TPTE: variants seen among roughly 807,000 people sequenced by gnomAD.
The protein encoded by TPTE is putative tyrosine-protein phosphatase TPTE.
A neutral mutation model predicts 84.1 loss-of-function variants in TPTE; 59 were observed. The ratio of observed to expected loss-of-function variants is 0.70; its 90% CI spans 0.57 to 0.87. The LOEUF (loss-of-function observed/expected upper bound fraction) is 0.87. TPTE is among the 40% of genes least tolerant of loss of function. The pLI is 0.00. For synonymous variants in TPTE, 130 were observed against 223.5 expected, an observed-to-expected ratio of 0.58 and a Z score of 3.73; for missense variants, 382 against 659.6, an observed-to-expected ratio of 0.58 and a Z score of 4.61.
chr21:10,529,773 T>TG (rs1171357341), intron 3 of TPTE, among the ~76,000 whole-genome samples: 1 of 152,306 alleles, frequency 6.6e-6, no homozygotes, highest in Non-Finnish European at 1.5e-5. Context: ...ATATCCATGT[T>TG]GGGGGGAGAT....
intron 21 of TPTE, among the ~76,000 whole-genome samples, chr21:10,599,646 C>T (rs530298891): frequency 6.6e-6 from 1 of 152,310 alleles, no homozygotes. Context: ...TATTTTTCAA[C>T]AACGTCACTC....
At chr21:10,537,388 TA>T (rs1382983961) in intron 3 of TPTE, among the ~76,000 whole-genome samples, 1 of 152,296 alleles carries the variant, frequency 6.6e-6, no homozygotes. Flanking sequence ...GAGACAGAAA[TA>T]ATATAGAGGC....
intron 17 of TPTE, among the ~76,000 whole-genome samples, chr21:10,583,033 C>T (rs2075298207): frequency 1.3e-5 from 2 of 152,310 alleles, no homozygotes; most frequent in South Asian, 2.1e-4. Context: ...GTGCCTAGCC[C>T]AATAATACTG....
intron 3 of TPTE, among the ~76,000 whole-genome samples, chr21:10,529,258 T>C (rs2074135508): frequency 6.6e-6 from 1 of 152,266 alleles, no homozygotes; most frequent in Admixed American, 6.5e-5. Flanking sequence ...TTACTAAGCA[T>C]GTGTGATATC....
chr21:10,536,768 A>C, intron 3 of TPTE, among the ~76,000 whole-genome samples: 1 of 152,312 alleles, frequency 6.6e-6, no homozygotes, highest in Non-Finnish European at 1.5e-5. Context: ...AACAGGGCAA[A>C]AAAGGGAAAC....
At chr21:10,579,192 T>C (rs1229140308) in intron 17 of TPTE, among the ~76,000 whole-genome samples, 1 of 152,308 alleles carries the variant, frequency 6.6e-6, no homozygotes, top group Non-Finnish European at 1.5e-5. Context: ...TTCCTGAACT[T>C]ATTCTTCCTG....
intron 3 of TPTE, among the ~76,000 whole-genome samples, chr21:10,536,612 C>T (rs879729837): frequency 2.0e-3 from 304 of 152,244 alleles, no homozygotes; most frequent in Non-Finnish European, 3.0e-3. Flanking sequence ...GAGAGAGAAT[C>T]GACAGAGAGA....
At chr21:10,570,380 T>C (rs1336143041) in intron 13 of TPTE, 105 bp from the exon 14 acceptor site, 49 of 1,576,612 alleles carry the variant, frequency 3.1e-5, no homozygotes, top group Middle Eastern at 1.7e-4. Flanking sequence ...TCTTAAAAGG[T>C]TTTTTTTCTG....
intron 14 of TPTE, 77 bp downstream of exon 14, chr21:10,570,626 GAT>G: frequency 6.2e-7 from 1 of 1,604,474 alleles, no homozygotes; most frequent in Admixed American, 1.7e-5. Flanking sequence ...TACTGACCCA[GAT>G]ATGGCAGTAT....
chr21:10,576,860 T>C (rs1283901019), intron 14 of TPTE, among the ~76,000 whole-genome samples: 1 of 131,702 alleles, frequency 7.6e-6, no homozygotes, highest in South Asian at 2.1e-4. Flanking sequence ...TATATATATA[T>C]ATATATATAT....
At chr21:10,588,974 T>C (rs1338391585) in intron 17 of TPTE, among the ~76,000 whole-genome samples, 5 of 152,304 alleles carry the variant, frequency 3.3e-5, no homozygotes, top group Non-Finnish European at 5.9e-5. Context: ...CAACCCAAGC[T>C]TTGAATTGTT....
chr21:10,548,204 C>T (rs2074505944), intron 7 of TPTE, among the ~76,000 whole-genome samples: 1 of 152,306 alleles, frequency 6.6e-6, no homozygotes, highest in African/African-American at 2.4e-5. Flanking sequence ...ACCCTGGGAG[C>T]TTACTCAGGC....
At chr21:10,546,245 A>G (rs1347747550) in intron 7 of TPTE, among the ~76,000 whole-genome samples, 2 of 152,426 alleles carry the variant, frequency 1.3e-5, no homozygotes, top group South Asian at 4.1e-4. Context: ...CTTTGATGTT[A>G]CTATTGTAAT....
At chr21:10,561,231 T>C in intron 10 of TPTE, 40 bp downstream of exon 10, 1 of 1,607,294 alleles carries the variant, frequency 6.2e-7, no homozygotes, top group Non-Finnish European at 8.5e-7. Flanking sequence ...AGCTACTTTG[T>C]AGTTTTATAA....
intron 13 of TPTE, 41 bp from the exon 14 acceptor site, chr21:10,570,444 T>C: frequency 6.2e-7 from 1 of 1,613,492 alleles, no homozygotes; most frequent in Non-Finnish European, 8.5e-7. Context: ...TTGTATGAAA[T>C]CTATAATAAT....
intron 21 of TPTE, among the ~76,000 whole-genome samples, chr21:10,601,663 C>A (rs150567): frequency 1.3e-5 from 2 of 151,614 alleles, no homozygotes; most frequent in South Asian, 4.1e-4. Context: ...GACCAGCCTG[C>A]CTAATATAGT....
At chr21:10,526,381 T>C (rs1482752138) in intron 2 of TPTE, among the ~76,000 whole-genome samples, 1 of 152,308 alleles carries the variant, frequency 6.6e-6, no homozygotes, top group African/African-American at 2.4e-5. Flanking sequence ...CCAAAATTAG[T>C]TTGTGTAGGG....
chr21:10,594,071 A>T (rs1398709685), intron 19 of TPTE, among the ~76,000 whole-genome samples: 3 of 152,310 alleles, frequency 2.0e-5, no homozygotes, highest in African/African-American at 7.2e-5. Flanking sequence ...AATCCATACT[A>T]TGTCCCCACT....
At chr21:10,550,918 T>G (rs212115) in intron 7 of TPTE, among the ~76,000 whole-genome samples, 32,013 of 145,246 alleles carry the variant, frequency 0.22, 66 homozygotes, top group African/African-American at 0.47. Context: ...CTTACCACAA[T>G]GGAATAAAAC....
Sources: allele counts gnomAD v4.1 joint callset (sites outside exome capture counted in the v4.1 genomes callset), GRCh38; gene constraint gnomAD v4.1.1; transcripts MANE v1.5; gene names NCBI Gene and HGNC (gene_info 2026-07-23, HGNC 2026-07-21).